CDH20: variants seen among roughly 807,000 people sequenced by gnomAD.
CDH20 encodes the protein cadherin 20.
A neutral mutation model predicts 74.2 loss-of-function variants in CDH20; 29 were observed. That is an observed-to-expected ratio of 0.39 (90% confidence interval 0.29 to 0.53). The LOEUF is 0.53. Ranked by LOEUF, CDH20 falls within the 20% of genes least tolerant of loss-of-function variation. CDH20 has a pLI of 0.69. For missense variants in CDH20, 988 were observed against 1,048.3 expected (o/e 0.94, Z 0.79); for synonymous variants, 469 against 405.4 (o/e 1.16, Z -1.88).
chr18:61,458,078 C>T (rs890609494), intron 1 of CDH20, among the ~76,000 whole-genome samples: 7 of 152,110 alleles, frequency 4.6e-5, no homozygotes, highest in African/African-American at 1.7e-4. Context: ...CTTCATCCTG[C>T]CCCTTCTCTC....
intron 6 of CDH20, among the ~76,000 whole-genome samples, chr18:61,515,233 G>A (rs906224631): frequency 1.3e-5 from 2 of 152,252 alleles, no homozygotes; most frequent in East Asian, 3.9e-4. Context: ...TCGGAAAAGC[G>A]CAATATTCGG....
rs189581144 is a variant in CDH20, at chr18:61,413,264, C to G, written c.-152-77138C>G. 1.5e-4 allele frequency among the ~76,000 whole-genome samples: 23 copies of G among 152,284 alleles called. No homozygotes were observed. In the East Asian group the frequency reaches 4.2e-3, roughly 28 times the overall value. ...ATTTATGAAATCCACATTCTGCTGT[C>G]AGTCTTCACACTAGGGGTTTTAGAA... On this transcript the variant is annotated intron_variant, in intron 1 of 11. Transcript: ENST00000262717.
At chr18:61,546,201 A>C (rs1014113468) in intron 10 of CDH20, among the ~76,000 whole-genome samples, 2 of 152,208 alleles carry the variant, frequency 1.3e-5, no homozygotes, top group African/African-American at 4.8e-5. Context: ...GTAAAAATCT[A>C]AGCAAAGGGT....
At chr18:61,414,327 A>T (rs1280537320) in intron 1 of CDH20, among the ~76,000 whole-genome samples, 2 of 152,124 alleles carry the variant, frequency 1.3e-5, no homozygotes. Context: ...GAGAAGCACA[A>T]GGGAAGCTAC....
At position 61,554,458 on chromosome 18, in the gene CDH20, C is replaced by G; in HGVS notation, c.2169C>G (p.His723Gln). ...CGTGCGCAGTGAACAGCACTGTCCA[C>G]AGCTACGTGCTGGCCAAGCTCTACG... ...PQTCAVNSTV[H>Q]SYVLAKLYEA... The change falls in exon 12 of 12, where the codon CAC becomes CAG. Residue 723 changes from histidine to glutamine, a missense_variant. By Grantham distance (24) the His-to-Gln change is conservative. This residue lies in a region of CDH20 where 375 missense variants were observed against 293.1 expected (regional missense o/e 1.28). Coordinates refer to ENST00000262717, the MANE Select transcript of CDH20 (RefSeq NM_031891.4). 1 of 1,613,352 alleles carries G rather than the reference C, an allele frequency of 6.2e-7. No homozygotes were observed. Among genetic ancestry groups the G allele is most frequent in the Middle Eastern group, 1.6e-4 (1 of 6,062 alleles).
chr18:61,429,082 A>AG (rs1289476317), intron 1 of CDH20, among the ~76,000 whole-genome samples: 1 of 152,102 alleles, frequency 6.6e-6, no homozygotes, highest in Non-Finnish European at 1.5e-5. Flanking sequence ...CTAGGTGGTG[A>AG]GGGGGGTTTT....
At chr18:61,450,358 G>A (rs1170488151) in intron 1 of CDH20, among the ~76,000 whole-genome samples, 3 of 143,742 alleles carry the variant, frequency 2.1e-5, no homozygotes, top group Non-Finnish European at 4.5e-5. Flanking sequence ...CACAGCCAGA[G>A]GAAAATGAAG....
At chr18:61,498,900 C>T (rs1911262693) in intron 2 of CDH20, among the ~76,000 whole-genome samples, 2 of 152,088 alleles carry the variant, frequency 1.3e-5, no homozygotes, top group South Asian at 4.1e-4. Context: ...TCTTCACTTT[C>T]CAGAGTTCCT....
chr18:61,369,562 G>A (rs183571281), intron 1 of CDH20, among the ~76,000 whole-genome samples: 3 of 152,178 alleles, frequency 2.0e-5, no homozygotes, highest in East Asian at 3.9e-4. Context: ...TCTTGTTACT[G>A]GGTATATATC....
intron 1 of CDH20, among the ~76,000 whole-genome samples, chr18:61,431,648 T>G (rs1411056582): frequency 7.0e-6 from 1 of 143,124 alleles, no homozygotes; most frequent in Admixed American, 7.3e-5. Flanking sequence ...CATATATAGT[T>G]CAATAAATGA....
At chr18:61,373,096 T>C (rs948790931) in intron 1 of CDH20, among the ~76,000 whole-genome samples, 2 of 152,050 alleles carry the variant, frequency 1.3e-5, no homozygotes, top group Admixed American at 6.6e-5. Context: ...TGGCCTCAGT[T>C]TTGCCTTTCG....
chr18:61,358,364 C>G (rs542880492), intron 1 of CDH20, among the ~76,000 whole-genome samples: 12 of 152,270 alleles, frequency 7.9e-5, no homozygotes, highest in African/African-American at 2.9e-4. Context: ...TCGTGATCCT[C>G]CCACCTCGGC....
At chr18:61,474,991 G>A (rs966986097) in intron 1 of CDH20, among the ~76,000 whole-genome samples, 1 of 152,124 alleles carries the variant, frequency 6.6e-6, no homozygotes, top group Non-Finnish European at 1.5e-5. Context: ...ATGGTAGAGG[G>A]GGAGCCAGAT....
chr18:61,382,482 G>T (rs368487595), intron 1 of CDH20, among the ~76,000 whole-genome samples: 3 of 152,264 alleles, frequency 2.0e-5, no homozygotes, highest in East Asian at 3.9e-4. Context: ...TTAACATGGG[G>T]AATATAGTCC....
chr18:61,408,581 G>T (rs1003271430), intron 1 of CDH20, among the ~76,000 whole-genome samples: 1 of 152,170 alleles, frequency 6.6e-6, no homozygotes, highest in African/African-American at 2.4e-5. Context: ...TCAAATCCCA[G>T]TTTAGACCTA....
At chr18:61,405,197 A>G (rs1912291211) in intron 1 of CDH20, 2 of 457,094 alleles carry the variant, frequency 4.4e-6, no homozygotes, top group African/African-American at 2.0e-5. Context: ...TCTTCTTTGC[A>G]GCCACCATCT....
At chr18:61,451,711 T>C (rs575586392) in intron 1 of CDH20, among the ~76,000 whole-genome samples, 1 of 152,042 alleles carries the variant, frequency 6.6e-6, no homozygotes, top group African/African-American at 2.4e-5. Flanking sequence ...GCTCCATTTG[T>C]CAAATCATGG....
intron 2 of CDH20, among the ~76,000 whole-genome samples, chr18:61,496,377 G>C (rs1297419238): frequency 1.3e-5 from 2 of 148,586 alleles, no homozygotes; most frequent in Non-Finnish European, 3.0e-5. Flanking sequence ...CTCCTGGAAA[G>C]CTGCTCCTAG....
rs181891384 is a variant in CDH20 at position 61,555,183 on chromosome 18, T to G, written c.*488T>G. The G allele has an allele frequency of 7.9e-3, 7,771 of 987,586 alleles. 39 individuals carry two copies. The highest frequency in any genetic ancestry group is 9.4e-3 in the Middle Eastern group (18 of 1,914). The allele number at this position is 987,586 out of a possible 1,614,324, so 61.2% of individuals were successfully genotyped here. A position where few individuals can be genotyped will look rare whatever the true frequency, so the allele number is the denominator to read the frequency against. ...CCACAAGAAAGAACAAAAAACTTGT[T>G]ACTCAGTGAAATTAACCTACTTGTT... On this transcript the variant is annotated 3_prime_UTR_variant, in exon 12 of 12. Coordinates refer to ENST00000262717, the MANE Select transcript of CDH20 (RefSeq NM_031891.4).
Sources: allele counts gnomAD v4.1 joint callset (sites outside exome capture counted in the v4.1 genomes callset), GRCh38; gene constraint gnomAD v4.1.1; regional missense constraint gnomAD v4.1.1; transcripts MANE v1.5; gene names NCBI Gene and HGNC (gene_info 2026-07-23, HGNC 2026-07-21).